IGSF21: variants seen among roughly 807,000 people sequenced by gnomAD.
IGSF21 encodes immunoglobin superfamily member 21, also known as immunoglobulin superfamily member 21.
A neutral mutation model predicts 46.8 loss-of-function variants in IGSF21; 28 were observed. The ratio of observed to expected loss-of-function variants is 0.60; its 90% CI spans 0.44 to 0.82. The LOEUF (loss-of-function observed/expected upper bound fraction) is 0.82, where lower values mean the gene tolerates loss of function less well. IGSF21 is among the 40% of genes least tolerant of loss of function. The probability of loss-of-function intolerance (pLI) is 0.00; values close to 1 mark genes in which losing one functional copy is unlikely to be tolerated. For missense variants in IGSF21, 624 were observed against 665.5 expected, an observed-to-expected ratio of 0.94 and a Z score of 0.69; for synonymous variants, 284 against 273.6, an observed-to-expected ratio of 1.04 and a Z score of -0.38.
chr1:18,184,359 C>G (rs898875647), intron 1 of IGSF21, among the ~76,000 whole-genome samples: 7 of 152,276 alleles, frequency 4.6e-5, no homozygotes, highest in Admixed American at 2.6e-4. Context: ...CCCAGGGCCT[C>G]CACTCTCTTC....
intron 2 of IGSF21, among the ~76,000 whole-genome samples, chr1:18,280,972 A>G (rs191646723): frequency 2.0e-5 from 3 of 151,968 alleles, no homozygotes; most frequent in African/African-American, 7.3e-5. Context: ...TTTCCACTCC[A>G]TGTCAGCAGC....
At chr1:18,369,847 T>A (rs2086207234) in intron 6 of IGSF21, among the ~76,000 whole-genome samples, 1 of 152,198 alleles carries the variant, frequency 6.6e-6, no homozygotes. Context: ...TGTTTGTGCC[T>A]CTTCTCAGTT....
At chr1:18,110,424 C>T (rs570987631) in intron 1 of IGSF21, 5 of 152,332 alleles carry the variant, frequency 3.3e-5, no homozygotes, top group Admixed American at 3.3e-4. Context: ...TGGAGGTGGC[C>T]GAGAGAGGTG....
chr1:18,237,541 T>A (rs759620685), intron 2 of IGSF21, among the ~76,000 whole-genome samples: 8 of 152,164 alleles, frequency 5.3e-5, no homozygotes, highest in Non-Finnish European at 1.2e-4. Flanking sequence ...AGGCTTCACA[T>A]ATATTACTTC....
intron 1 of IGSF21, among the ~76,000 whole-genome samples, chr1:18,150,737 G>A (rs1331895276): frequency 2.6e-5 from 4 of 152,206 alleles, no homozygotes; most frequent in Non-Finnish European, 4.4e-5. Flanking sequence ...AGTGTCCTCC[G>A]TCACCAATGC....
chr1:18,209,479 G>A (rs2084367152), intron 1 of IGSF21, among the ~76,000 whole-genome samples: 1 of 151,348 alleles, frequency 6.6e-6, no homozygotes, highest in African/African-American at 2.4e-5. Context: ...TTTTTAGACA[G>A]AGTCTCACTC....
intron 2 of IGSF21, among the ~76,000 whole-genome samples, chr1:18,239,089 G>GCCT (rs2084700425): frequency 6.6e-6 from 1 of 151,926 alleles, no homozygotes; most frequent in Admixed American, 6.5e-5. Flanking sequence ...TACTGTTGGG[G>GCCT]CCTCCGAGCA....
chr1:18,176,692 C>T (rs2086801509), intron 1 of IGSF21, among the ~76,000 whole-genome samples: 1 of 152,208 alleles, frequency 6.6e-6, no homozygotes, highest in South Asian at 2.1e-4. Flanking sequence ...TCCTCCTCTT[C>T]CTTGGTGAGG....
chr1:18,203,128 C>T (rs764124062), intron 1 of IGSF21, among the ~76,000 whole-genome samples: 1 of 152,092 alleles, frequency 6.6e-6, no homozygotes, highest in Non-Finnish European at 1.5e-5. Context: ...GTTACTGAGA[C>T]GTTTTCTTAT....
intron 4 of IGSF21, among the ~76,000 whole-genome samples, chr1:18,360,868 TCA>T (rs1557660389): frequency 6.6e-6 from 1 of 152,222 alleles, no homozygotes; most frequent in Non-Finnish European, 1.5e-5. Context: ...GGACTGAGGC[TCA>T]CAGTTTTGGT....
At position 18,108,132 on chromosome 1, in the gene IGSF21, C is replaced by T. The variant is rs571945622; in HGVS notation, c.4C>T (p.Arg2Ter). The T allele has an allele frequency of 3.5e-6, 5 of 1,412,012 alleles. No homozygotes were observed. The highest frequency in any genetic ancestry group is 2.5e-4 in the Middle Eastern group (1 of 3,924). 87.5% of individuals were successfully genotyped at this position (1,412,012 alleles called of 1,614,324 possible). ...CCGCCGCCAGCTCCCGGGCACCATG[C>T]GAACCGCCCCGAGCCTCCGCCGCTG... is the stretch of plus-strand genomic sequence containing the variant. M[R>*]TAPSLRRCVC... Residue 2 changes from arginine to a stop codon, truncating the protein, a stop_gained, in exon 1 of 10, where the codon CGA (arginine) becomes TGA (stop). Transcript: ENST00000251296. LOFTEE classifies it high-confidence loss of function.
chr1:18,308,932 G>A (rs574668341), intron 3 of IGSF21, among the ~76,000 whole-genome samples: 3 of 152,144 alleles, frequency 2.0e-5, no homozygotes, highest in Non-Finnish European at 2.9e-5. Context: ...ACTCACAGGT[G>A]CAGCCTGGAG....
In IGSF21 at chr1:18,117,871, G is replaced by A. The variant is rs148535867; in HGVS notation, c.70+9673G>A. On this transcript the variant is annotated intron_variant, in intron 1 of 9. Coordinates refer to ENST00000251296, the MANE Select transcript of IGSF21 (RefSeq NM_032880.5). ...CCCATTTTACAGACAAGAAAACTGA[G>A]CCCAGAGAGAGGAATGAGTCCTTCT... 1.3e-4 allele frequency among the ~76,000 whole-genome samples: 20 copies of A among 152,354 alleles called. No homozygotes were observed. The East Asian group carries it at 3.3e-3, about 25-fold the overall frequency.
At chr1:18,275,903 C>T (rs1409025141) in intron 2 of IGSF21, among the ~76,000 whole-genome samples, 2 of 152,184 alleles carry the variant, frequency 1.3e-5, no homozygotes, top group Non-Finnish European at 1.5e-5. Flanking sequence ...TGCCCCCTTC[C>T]CTTTTCTCCT....
chr1:18,182,173 CTTTT>C (rs35016415), intron 1 of IGSF21, among the ~76,000 whole-genome samples: 1 of 108,944 alleles, frequency 9.2e-6, no homozygotes, highest in African/African-American at 3.5e-5. Context: ...TGAAAGGTGT[CTTTT>C]TTTTTTTTTT....
chr1:18,139,335 C>T (rs1242185313), intron 1 of IGSF21, among the ~76,000 whole-genome samples: 1 of 149,390 alleles, frequency 6.7e-6, no homozygotes, highest in Non-Finnish European at 1.5e-5. Context: ...TGACTCAAAG[C>T]TCAGGGTTCC....
At chr1:18,197,539 A>T (rs1249524950) in intron 1 of IGSF21, among the ~76,000 whole-genome samples, 1 of 152,218 alleles carries the variant, frequency 6.6e-6, no homozygotes, top group Admixed American at 6.5e-5. Flanking sequence ...TCTGGTGCTG[A>T]CAAATCCTCA....
chr1:18,344,700 A>G (rs1353614547), intron 4 of IGSF21, among the ~76,000 whole-genome samples: 2 of 152,080 alleles, frequency 1.3e-5, no homozygotes, highest in Non-Finnish European at 2.9e-5. Flanking sequence ...CAGTGGAGGG[A>G]GGCTGCCAGT....
chr1:18,164,602 C>T (rs140575160), intron 1 of IGSF21, among the ~76,000 whole-genome samples: 1 of 152,214 alleles, frequency 6.6e-6, no homozygotes, highest in African/African-American at 2.4e-5. Flanking sequence ...CTGATCAGTG[C>T]AATTTTAACT....
Sources: allele counts gnomAD v4.1 joint callset (sites outside exome capture counted in the v4.1 genomes callset), GRCh38; gene constraint gnomAD v4.1.1; transcripts MANE v1.5; gene names NCBI Gene and HGNC (gene_info 2026-07-23, HGNC 2026-07-21).